Variants in TRPA1 observed in about 807,000 individuals in gnomAD.
The protein encoded by TRPA1 is transient receptor potential cation channel subfamily A member 1.
In TRPA1, 129 loss-of-function variants were observed where a neutral mutation model predicts 131.3. The ratio of observed to expected loss-of-function variants is 0.98; its 90% CI spans 0.85 to 1.14. The LOEUF (loss-of-function observed/expected upper bound fraction) is 1.14, where lower values mean the gene tolerates loss of function less well. Among genes scored for constraint, TRPA1 ranks in the 50% most tolerant of loss-of-function variants. TRPA1 has a pLI of 0.00. For missense variants in TRPA1, 1,304 were observed against 1,354.2 expected, an observed-to-expected ratio of 0.96 and a Z score of 0.58; for synonymous variants, 441 against 451.7, an observed-to-expected ratio of 0.98 and a Z score of 0.30.
chr8:72,074,486 G>A (rs137958616), intron 1 of TRPA1, among the ~76,000 whole-genome samples: 32 of 151,988 alleles, frequency 2.1e-4, no homozygotes, highest in African/African-American at 7.5e-4. Flanking sequence ...TCCCTCTGTC[G>A]AAAGAGATTT....
chr8:72,055,222 G>A lies in TRPA1; in HGVS notation c.1529+214C>T, dbSNP rs550636578. 8.8e-5 allele frequency: 48 copies of A among 548,256 alleles called. No individual in the cohort carries two copies. The Admixed American group carries it at 1.4e-3, about 16-fold the overall frequency. The allele number at this position is 548,256 out of a possible 1,614,324, so 34.0% of individuals were successfully genotyped here. On this transcript the variant is annotated intron_variant, in intron 12 of 26. Transcript: ENST00000262209. ...ATATTCTTGAACAAGGTTCTTCAAC[G>A]CTATAAACTTCAAAGTCTTTGTCAG...
At position 72,069,007 on chromosome 8, in the gene TRPA1, C is replaced by T. The variant is rs535663878; in HGVS notation, c.444+16G>A. 57 of 1,614,120 alleles carry T rather than the reference C, an allele frequency of 3.5e-5. 1 individual carries two copies. The South Asian group carries it at 4.6e-4, about 13-fold the overall frequency. ...CACCGCCGGTCAGGCCCTTTGGAGC[C>T]GGCCAGTAGCCTTACCTTCATCACC... On this transcript the variant is annotated intron_variant, in intron 3 of 26. Transcript: ENST00000262209.
chr8:72,052,449 A>T (rs1805532879), intron 14 of TRPA1, 150 bp downstream of exon 14: 1 of 887,770 alleles, frequency 1.1e-6, no homozygotes, highest in Admixed American at 2.6e-5. Flanking sequence ...ATAAAAAATA[A>T]AAAACCTTTA....
intron 24 of TRPA1, 56 bp from the exon 25 acceptor site, chr8:72,026,129 A>G (rs1811601300): frequency 7.6e-7 from 1 of 1,318,834 alleles, no homozygotes. Context: ...TGGAATTTTT[A>G]TATGGCACAG....
At chr8:72,033,107 G>A (rs576902027) in intron 23 of TRPA1, among the ~76,000 whole-genome samples, 18 of 152,280 alleles carry the variant, frequency 1.2e-4, no homozygotes, top group Middle Eastern at 3.4e-3. Flanking sequence ...TCTGAACGTC[G>A]CAGATGCCCT....
At chr8:72,077,099 T>C (rs1175545476), upstream of TRPA1, among the ~76,000 whole-genome samples, 1 of 152,208 alleles carries the variant, frequency 6.6e-6, no homozygotes, top group African/African-American at 2.4e-5. Context: ...ATTAAGACTT[T>C]TTATTTTTTA....
At chr8:72,028,395 G>T (rs1476846939) in intron 24 of TRPA1, among the ~76,000 whole-genome samples, 1 of 152,204 alleles carries the variant, frequency 6.6e-6, no homozygotes, top group East Asian at 1.9e-4. Flanking sequence ...CAGTGCCTTG[G>T]CCATTTTCCC....
upstream of TRPA1, among the ~76,000 whole-genome samples, chr8:72,078,161 TA>T (rs1343412941): frequency 2.0e-5 from 3 of 151,966 alleles, no homozygotes; most frequent in African/African-American, 7.2e-5. Flanking sequence ...AAATTAATTA[TA>T]AAAATATTTA....
intron 13 of TRPA1, chr8:72,052,994 T>TGTGAGAGA (rs1491537785): frequency 3.0e-6 from 1 of 330,300 alleles, no homozygotes; most frequent in Non-Finnish European, 5.5e-6. Flanking sequence ...TGTGTGTGTG[T>TGTGAGAGA]GAGAGATAGA....
At chr8:72,023,407 C>T (rs924757661) in intron 26 of TRPA1, 2 of 492,912 alleles carry the variant, frequency 4.1e-6, no homozygotes, top group African/African-American at 3.9e-5. Flanking sequence ...TTATTACGTA[C>T]CTAGTTGAAT....
At chr8:72,047,063 C>T (rs2129434652) in intron 16 of TRPA1, 85 bp downstream of exon 16, 3 of 1,042,360 alleles carry the variant, frequency 2.9e-6, no homozygotes, top group Non-Finnish European at 4.4e-6. Context: ...CAGTAGATTA[C>T]AGATCAATAG....
At chr8:72,033,888 T>C in intron 22 of TRPA1, 62 bp from the exon 23 acceptor site, 1 of 1,494,658 alleles carries the variant, frequency 6.7e-7, no homozygotes, top group South Asian at 1.1e-5. Flanking sequence ...AAGTGTTTCC[T>C]GGAGGTAGAA....
At chr8:72,037,950 T>G (rs1812111822) in intron 20 of TRPA1, 33 bp downstream of exon 20, 1 of 1,281,186 alleles carries the variant, frequency 7.8e-7, no homozygotes, top group South Asian at 1.2e-5. Context: ...TGAAAATATG[T>G]GCAACTTTAG....
rs1157456391 is a variant in TRPA1 at position 72,057,738 on chromosome 8, C to T, written c.1072G>A (p.Val358Ile). ...GTACCTTTAGAGAGTAGCAAATTTA[C>T]AATATTCCAAGATGCAGAAGCAGTT... ...LATASASWNI[V>I]NLLLSKGAQV... The change falls in exon 9 of 27, where the codon GTA (valine) becomes ATA (isoleucine). Residue 358 changes from valine to isoleucine, a missense_variant. By Grantham distance (29) the Val-to-Ile change is conservative. Transcript: ENST00000262209. The T allele has an allele frequency of 2.5e-6, 4 of 1,613,758 alleles. No homozygotes were observed. In the East Asian group the frequency reaches 6.7e-5, roughly 27 times the overall value.
At chr8:72,075,602 G>A, upstream of TRPA1, 1 of 603,140 alleles carries the variant, frequency 1.7e-6, no homozygotes. Context: ...TCTCAGGCCC[G>A]CGCTACTTTT....
Position 72,029,826 on chromosome 8 carries a change from A to G in TRPA1, c.2937+75T>C. The G allele has an allele frequency of 4.9e-6, 7 of 1,422,854 alleles. No individual in the cohort carries two copies. In the South Asian group the frequency reaches 7.0e-5, roughly 14 times the overall value. 88.1% of individuals were successfully genotyped at this position (1,422,854 alleles called of 1,614,324 possible). On this transcript the variant is annotated intron_variant, in intron 24 of 26. Coordinates refer to ENST00000262209, the MANE Select transcript of TRPA1 (RefSeq NM_007332.3). ...TATTCCTACAAAATGCCCATTTTTG[A>G]CTTGTAATATTTTTAACTTATTGTG...
intron 13 of TRPA1, 122 bp downstream of exon 13, chr8:72,053,631 A>C (rs1429946050): frequency 1.3e-6 from 1 of 751,128 alleles, no homozygotes; most frequent in Non-Finnish European, 2.3e-6. Context: ...CTTGCTAAAC[A>C]CCCAACAAAA....
chr8:72,069,601 C>A (rs1040453410), intron 2 of TRPA1, among the ~76,000 whole-genome samples: 2 of 152,070 alleles, frequency 1.3e-5, no homozygotes, highest in Admixed American at 1.3e-4. Flanking sequence ...AAAGTAACAC[C>A]ATGACAAATT....
Position 72,023,897 on chromosome 8 carries a change from A to G in TRPA1, c.3066T>C (p.Phe1022=), listed in dbSNP as rs1244209887. ...SGGMLFHIFC[F]LFCTGEIRQE... The stretch of plus-strand genomic sequence containing the variant: ...GTCTTATTTCCCCAGTGCAAAATAA[A>G]AAACAGAATATATGCTGTCGGATAA... Residue 1022 remains phenylalanine (F), a synonymous_variant, in exon 26 of 27, where the codon TTT becomes TTC. Coordinates refer to ENST00000262209, the MANE Select transcript of TRPA1 (RefSeq NM_007332.3). 1 of 1,586,710 alleles carries G rather than the reference A, an allele frequency of 6.3e-7. No homozygotes were observed. The highest frequency in any genetic ancestry group is 1.1e-5 in the South Asian group (1 of 90,338).
Sources: gnomAD v4.1 joint callset for allele counts (sites outside exome capture counted in the v4.1 genomes callset) on GRCh38, gnomAD v4.1.1 for gene constraint, MANE v1.5 for transcripts, NCBI Gene and HGNC (gene_info 2026-07-23, HGNC 2026-07-21) for gene names.